Variants in TMEM132C observed in about 807,000 individuals in gnomAD.
TMEM132C encodes protein phosphatase 1, regulatory subunit 152.
Under a neutral mutation model 61.4 loss-of-function variants are expected in TMEM132C, and 29 were observed. That is an observed-to-expected ratio of 0.47 (90% CI 0.35 to 0.64). The LOEUF is 0.64. Among genes scored for constraint, TMEM132C ranks in the 30% least tolerant of loss-of-function variants. The pLI, the probability that TMEM132C is intolerant of heterozygous loss-of-function variation, is 0.00. For synonymous variants in TMEM132C, 656 were observed against 633.1 expected (o/e 1.04, Z -0.54); for missense variants, 1,408 against 1,476.9 (o/e 0.95, Z 0.76).
rs796674130 is a variant in TMEM132C, at chr12:128,611,418, G to A, written c.1122-4734G>A. 8.5e-5 allele frequency among the ~76,000 whole-genome samples: 13 copies of A among 152,112 alleles called. 1 individual carries two copies. The highest frequency in any genetic ancestry group is 3.1e-4 in the African/African-American group (13 of 41,454). ...ATGAAAGACTTGTTGGAGGCCTAAT[G>A]TTGACAACACATCTGATTGGAGGTG... On this transcript the variant is annotated intron_variant, in intron 3 of 8. Coordinates refer to ENST00000435159, the MANE Select transcript of TMEM132C (RefSeq NM_001136103.3).
At chr12:128,679,088 G>T (rs191836195) in intron 5 of TMEM132C, among the ~76,000 whole-genome samples, 1 of 152,294 alleles carries the variant, frequency 6.6e-6, no homozygotes, top group African/African-American at 2.4e-5. Flanking sequence ...CTCAAAGATT[G>T]AAAAAGAAAA....
chr12:128,423,023 G>T lies in TMEM132C; in HGVS notation c.974+7403G>T, dbSNP rs747766767. Among the ~76,000 whole-genome samples, 47 of 152,292 alleles carry T rather than the reference G, an allele frequency of 3.1e-4. No individual in the cohort carries two copies. In the Middle Eastern group the frequency reaches 0.01, roughly 33 times the overall value. The stretch of plus-strand genomic sequence containing the variant: ...ACATGGCTTCTTTGTCCTTTGCTGG[G>T]TGGGTTTTGTGTGTCAGGACTGATA... On this transcript the variant is annotated intron_variant, in intron 2 of 8. Transcript: ENST00000435159.
intron 1 of TMEM132C, among the ~76,000 whole-genome samples, chr12:128,340,152 A>T (rs1340056699): frequency 2.0e-5 from 3 of 152,140 alleles, no homozygotes; most frequent in South Asian, 2.1e-4. Flanking sequence ...TGTGGAAAGT[A>T]TGGGGATGTG....
At chr12:128,561,509 A>ACTT (rs1254679068) in intron 3 of TMEM132C, among the ~76,000 whole-genome samples, 1 of 152,180 alleles carries the variant, frequency 6.6e-6, no homozygotes, top group Non-Finnish European at 1.5e-5. Flanking sequence ...AAGCACCTGA[A>ACTT]CTTCTGTATT....
chr12:128,506,600 G>A (rs1872369037), intron 2 of TMEM132C, among the ~76,000 whole-genome samples: 1 of 152,136 alleles, frequency 6.6e-6, no homozygotes, highest in Admixed American at 6.5e-5. Flanking sequence ...GCCATTGTGG[G>A]TAGGTTTCAT....
intron 1 of TMEM132C, chr12:128,404,553 GC>G (rs1244753752): frequency 3.9e-5 from 6 of 152,238 alleles, no homozygotes; most frequent in African/African-American, 1.4e-4. Context: ...TGAAGGCAGG[GC>G]ATCACGTTAG....
At chr12:128,436,302 A>G (rs961102630) in intron 2 of TMEM132C, among the ~76,000 whole-genome samples, 3 of 152,244 alleles carry the variant, frequency 2.0e-5, no homozygotes, top group African/African-American at 7.2e-5. Context: ...GACAAATGGG[A>G]TCTAATTAAA....
chr12:128,460,404 A>G lies in TMEM132C; in HGVS notation c.974+44784A>G, dbSNP rs574758945. Among the ~76,000 whole-genome samples the G allele has an allele frequency of 1.6e-3, 245 of 152,100 alleles. 3 individuals are homozygous for G. The highest frequency in any genetic ancestry group is 3.4e-3 in the Middle Eastern group (1 of 294). On this transcript the variant is annotated intron_variant, in intron 2 of 8. Coordinates refer to ENST00000435159, the MANE Select transcript of TMEM132C (RefSeq NM_001136103.3). ...ATCCAGACCTATGTCTTTTCAACTTAGTAAGTCCACTTGTTCAAGCCAAAG... is the reference window on the plus strand; with the variant it reads ...ATCCAGACCTATGTCTTTTCAACTTGGTAAGTCCACTTGTTCAAGCCAAAG...
intron 2 of TMEM132C, among the ~76,000 whole-genome samples, chr12:128,498,945 A>G (rs1872064002): frequency 6.6e-6 from 1 of 152,182 alleles, no homozygotes; most frequent in African/African-American, 2.4e-5. Context: ...TCAAGATGGT[A>G]ATATTACTCT....
intron 4 of TMEM132C, among the ~76,000 whole-genome samples, chr12:128,637,527 A>G (rs904927958): frequency 3.3e-5 from 5 of 152,300 alleles, no homozygotes; most frequent in African/African-American, 1.2e-4. Flanking sequence ...TGTATTTACC[A>G]CAATCTTTTC....
At chr12:128,522,081 G>A (rs1872923792) in intron 2 of TMEM132C, among the ~76,000 whole-genome samples, 1 of 152,080 alleles carries the variant, frequency 6.6e-6, no homozygotes, top group African/African-American at 2.4e-5. Flanking sequence ...CCTAAACTTG[G>A]GACACCACGC....
chr12:128,433,742 T>C (rs1453578476), intron 2 of TMEM132C, among the ~76,000 whole-genome samples: 1 of 151,234 alleles, frequency 6.6e-6, no homozygotes, highest in Non-Finnish European at 1.5e-5. Context: ...GGATTTTATT[T>C]TTCTCTGTCT....
rs371407542 is a variant in TMEM132C, at chr12:128,332,778, T to C, written c.85+65291T>C. Among the ~76,000 whole-genome samples the C allele has an allele frequency of 2.4e-3, 359 of 152,328 alleles. 3 individuals are homozygous for C. Among genetic ancestry groups the C allele is most frequent in the Middle Eastern group, 0.01 (3 of 294 alleles). On this transcript the variant is annotated intron_variant, in intron 1 of 8. Transcript: ENST00000435159. Reference sequence around the variant, plus strand: ...GCCCTGGCTCTCCCTTCTTTTCCTCTAGAAAGGGAATCGGCATGTTCCCAA... The same window carrying C: ...GCCCTGGCTCTCCCTTCTTTTCCTCCAGAAAGGGAATCGGCATGTTCCCAA...
At position 128,696,093 on chromosome 12, in the gene TMEM132C, C is replaced by T. The variant is rs1304548134; in HGVS notation, c.1919C>T (p.Thr640Met). 1.6e-5 allele frequency: 25 copies of T among 1,551,246 alleles called. No individual in the cohort carries two copies. Among genetic ancestry groups the T allele is most frequent in the Non-Finnish European group, 2.2e-5 (25 of 1,146,750 alleles). Reference sequence around the variant, plus strand: ...CTGGTTGGGCGAGAGGTTGGGATGACGACCATCCAGGTAGGAAGCTGGGAG... The same window carrying T: ...CTGGTTGGGCGAGAGGTTGGGATGATGACCATCCAGGTAGGAAGCTGGGAG... ...RVLVGREVGM[T>M]TIQVLSPLSD... The change falls in exon 7 of 9, where the codon ACG (threonine) becomes ATG (methionine). Residue 640 changes from threonine (T) to methionine (M), a missense_variant. Coordinates refer to ENST00000435159, the MANE Select transcript of TMEM132C (RefSeq NM_001136103.3).
intron 2 of TMEM132C, among the ~76,000 whole-genome samples, chr12:128,489,951 G>T (rs1323783462): frequency 6.6e-6 from 1 of 152,082 alleles, no homozygotes. Flanking sequence ...CACCAAAATC[G>T]TTGTGTTTGC....
intron 5 of TMEM132C, among the ~76,000 whole-genome samples, chr12:128,683,371 C>T (rs1332217113): frequency 6.6e-6 from 1 of 152,180 alleles, no homozygotes; most frequent in East Asian, 1.9e-4. Flanking sequence ...CCCGGCATGA[C>T]ACCCTCCGCC....
intron 1 of TMEM132C, among the ~76,000 whole-genome samples, chr12:128,336,258 C>G (rs1022287464): frequency 6.6e-6 from 1 of 152,024 alleles, no homozygotes; most frequent in Non-Finnish European, 1.5e-5. Flanking sequence ...ATATGCATGC[C>G]TATAATACTA....
chr12:128,566,179 C>A (rs1249021932), intron 3 of TMEM132C, among the ~76,000 whole-genome samples: 3 of 101,120 alleles, frequency 3.0e-5, no homozygotes, highest in Non-Finnish European at 3.6e-5. Flanking sequence ...CATGAGACAC[C>A]AAGCCTAACC....
chr12:128,448,450 G>A (rs528507005), intron 2 of TMEM132C, among the ~76,000 whole-genome samples: 1 of 152,294 alleles, frequency 6.6e-6, no homozygotes, highest in South Asian at 2.1e-4. Flanking sequence ...GCTATCATCT[G>A]GGATGATGGG....
Sources: gnomAD v4.1 joint callset for allele counts (sites outside exome capture counted in the v4.1 genomes callset) on GRCh38, gnomAD v4.1.1 for gene constraint, MANE v1.5 for transcripts, NCBI Gene and HGNC (gene_info 2026-07-23, HGNC 2026-07-21) for gene names.